GRID2IP: variants seen among roughly 807,000 people sequenced by gnomAD.
GRID2IP encodes the protein Grid2 interacting protein.
A neutral mutation model predicts 114.3 loss-of-function variants in GRID2IP; 78 were observed. The ratio of observed to expected loss-of-function variants is 0.68; its 90% CI spans 0.57 to 0.82. GRID2IP has a LOEUF of 0.82. Among genes scored for constraint, GRID2IP ranks in the 40% least tolerant of loss-of-function variants. The pLI is 0.00. For missense variants in GRID2IP, 1,727 were observed against 1,678.5 expected, an observed-to-expected ratio of 1.03 and a Z score of -0.51; for synonymous variants, 809 against 724.0, an observed-to-expected ratio of 1.12 and a Z score of -1.89.
intron 1 of GRID2IP, among the ~76,000 whole-genome samples, chr7:6,549,667 C>G (rs1300453512): frequency 6.6e-6 from 1 of 152,138 alleles, no homozygotes; most frequent in Non-Finnish European, 1.5e-5. Context: ...GTCACTCAGG[C>G]TGCAGTGCAG....
intron 15 of GRID2IP, 92 bp downstream of exon 15, chr7:6,504,701 C>T (rs1261651182): frequency 2.0e-6 from 2 of 1,000,666 alleles, no homozygotes; most frequent in African/African-American, 3.3e-5. Context: ...TCCCCACCGC[C>T]TAATCTCTGT....
Position 6,509,298 on chromosome 7 carries a change from G to T in GRID2IP, c.1787C>A (p.Ser596Tyr). Residue 596 changes from serine (S) to tyrosine (Y), a missense_variant, in exon 12 of 22, where the codon TCC (serine) becomes TAC (tyrosine). Physicochemically the swap from Ser to Tyr is moderately radical, Grantham distance 144. Transcript: ENST00000457091. This position sits in a 1 kb window ranked among gnomAD's most constrained non-coding sequence, Gnocchi z 4.9. Reference protein sequence around the residue: ...PAVTTGPRTLSGVSWPSERLL... With the variant: ...PAVTTGPRTLYGVSWPSERLL... Reference sequence around the variant, plus strand: ...TCGCTCGCTGGGCCATGAGACGCCGGACAGGGTCCTGGGCCCTGGAGGAGG... The same window carrying T: ...TCGCTCGCTGGGCCATGAGACGCCGTACAGGGTCCTGGGCCCTGGAGGAGG... 1 of 1,521,430 alleles carries T rather than the reference G, an allele frequency of 6.6e-7. No homozygotes were observed. 94.2% of individuals were successfully genotyped at this position (1,521,430 alleles called of 1,614,324 possible).
chr7:6,520,734 G>C lies in GRID2IP; in HGVS notation c.1112C>G (p.Pro371Arg), dbSNP rs1212468341. 5.8e-6 allele frequency: 9 copies of C among 1,551,516 alleles called. No individual in the cohort carries two copies. The South Asian group carries it at 1.1e-4, about 18-fold the overall frequency. ...SDSDSLDSPN[P>R]SSALTSLQWV... is the part of the protein sequence containing the mutation. ...CTGCAGGGAGGTGAGCGCCGACGACGGGTTGGGTGAGTCCAGAGAATCGGA... is the reference window on the plus strand; with the variant it reads ...CTGCAGGGAGGTGAGCGCCGACGACCGGTTGGGTGAGTCCAGAGAATCGGA... The change falls in exon 7 of 22, where the codon CCG becomes CGG. Residue 371 changes from proline (P) to arginine (R), a missense_variant. Transcript: ENST00000457091. The surrounding 1 kb of genome is among the most constrained non-coding windows in gnomAD (Gnocchi z 4.6).
In GRID2IP at chr7:6,525,560, G is replaced by A. The variant is rs1025105966; in HGVS notation, c.919+664C>T. ...GGAGGCTCAGCTACACTTGAGCCTCGGAGATGGAGGTTGCAATGAGCCAAG... is the reference window on the plus strand; with the variant it reads ...GGAGGCTCAGCTACACTTGAGCCTCAGAGATGGAGGTTGCAATGAGCCAAG... On this transcript the variant is annotated intron_variant, in intron 4 of 21. Transcript: ENST00000457091. Among the ~76,000 whole-genome samples the A allele has an allele frequency of 8.5e-5, 13 of 152,206 alleles. 1 individual carries two copies. The East Asian group carries it at 1.4e-3, about 16-fold the overall frequency.
chr7:6,531,234 G>A (rs1779617551), intron 2 of GRID2IP: 1 of 428,976 alleles, frequency 2.3e-6, no homozygotes. Flanking sequence ...GAGCCGTCCC[G>A]GCCCGCAGCC....
In GRID2IP at chr7:6,502,687, G is replaced by C. The variant is rs751671999; in HGVS notation, c.3150+99C>G. 7.0e-6 allele frequency: 5 copies of C among 712,392 alleles called. No individual in the cohort carries two copies. In the Admixed American group the frequency reaches 1.2e-4, roughly 17 times the overall value. 44.1% of individuals were successfully genotyped at this position (712,392 alleles called of 1,614,324 possible). On this transcript the variant is annotated intron_variant, in intron 18 of 21. Coordinates refer to ENST00000457091, the MANE Select transcript of GRID2IP (RefSeq NM_001145118.2). ...TAGGAGGAGAGCCCTCCTTGGTCAC[G>C]ATGTCCTCTTCTGCCCTCTGCCACA...
At chr7:6,543,192 C>T (rs543793652) in intron 1 of GRID2IP, among the ~76,000 whole-genome samples, 45 of 152,134 alleles carry the variant, frequency 3.0e-4, no homozygotes, top group African/African-American at 5.1e-4. Flanking sequence ...GTTAGGAGTT[C>T]GAGACCAGCC....
chr7:6,500,529 C>G (rs1050361426), intron 20 of GRID2IP, among the ~76,000 whole-genome samples: 1 of 152,190 alleles, frequency 6.6e-6, no homozygotes, highest in Non-Finnish European at 1.5e-5. Flanking sequence ...CTTGCCCAAG[C>G]TGTAGAGTTT....
chr7:6,511,546 T>C (rs1383259044), intron 8 of GRID2IP, among the ~76,000 whole-genome samples: 1 of 151,912 alleles, frequency 6.6e-6, no homozygotes, highest in Non-Finnish European at 1.5e-5. Context: ...CTAATTTTTG[T>C]ATTTTTAGTA....
intron 1 of GRID2IP, among the ~76,000 whole-genome samples, chr7:6,547,198 G>A (rs1779900593): frequency 6.6e-6 from 1 of 152,166 alleles, no homozygotes; most frequent in Non-Finnish European, 1.5e-5. Flanking sequence ...TGACCCCCTA[G>A]AGGACTCTGT....
rs1177876342 is a variant in GRID2IP, at chr7:6,508,238, A to T, written c.2291T>A (p.Phe764Tyr). The T allele has an allele frequency of 6.9e-7, 1 of 1,444,708 alleles. No individual in the cohort carries two copies. The highest frequency in any genetic ancestry group is 9.2e-7 in the Non-Finnish European group (1 of 1,088,722). 89.5% of individuals were successfully genotyped at this position (1,444,708 alleles called of 1,614,324 possible). A position where few individuals can be genotyped will look rare whatever the true frequency, so the allele number is the denominator to read the frequency against. ...LSPPPPPPLPFHDAKPSSRSS... is the reference protein window; with the variant it reads ...LSPPPPPPLPYHDAKPSSRSS... ...GCGGGAGCTGGGCTTAGCGTCATGG[A>T]AAGGCAGGGGTGGCGGTGGTGGGGG... The change falls in exon 13 of 22, where the codon TTC (phenylalanine) becomes TAC (tyrosine). Residue 764 changes from phenylalanine to tyrosine, a missense_variant. Coordinates refer to ENST00000457091, the MANE Select transcript of GRID2IP (RefSeq NM_001145118.2). This position sits in a 1 kb window ranked among gnomAD's most constrained non-coding sequence, Gnocchi z 5.6.
Position 6,536,700 on chromosome 7 carries a change from TGTCA to T in GRID2IP, c.584+3014_584+3017del. The T allele has an allele frequency of 1.5e-6, 1 of 668,918 alleles. No homozygotes were observed. The highest frequency in any genetic ancestry group is 2.8e-6 in the Non-Finnish European group (1 of 363,464). 41.4% of individuals were successfully genotyped at this position (668,918 alleles called of 1,614,324 possible). A position where few individuals can be genotyped will look rare whatever the true frequency, so the allele number is the denominator to read the frequency against. On this transcript the variant is annotated intron_variant, in intron 2 of 21. Coordinates refer to ENST00000457091, the MANE Select transcript of GRID2IP (RefSeq NM_001145118.2). This position sits in a 1 kb window ranked among gnomAD's most constrained non-coding sequence, Gnocchi z 5.3. Reference sequence around the variant, plus strand: ...GGGAGGGGCGGGACGGGGGGCTGCCTGTCAATCAGCTCCCCAGGAAGCGCTCAGA... The same window carrying T: ...GGGAGGGGCGGGACGGGGGGCTGCCTATCAGCTCCCCAGGAAGCGCTCAGA...
At position 6,520,807 on chromosome 7, in the gene GRID2IP, C is replaced by A; in HGVS notation, c.1085-46G>T. On this transcript the variant is annotated intron_variant, in intron 6 of 21. Transcript: ENST00000457091. The surrounding 1 kb of genome is among the most constrained non-coding windows in gnomAD (Gnocchi z 4.6). ...AGAGGCATGAGTGACTCAGAGTCCCCAGGCCAGGTGTAGTCTCCCTGGCTT... is the reference window on the plus strand; with the variant it reads ...AGAGGCATGAGTGACTCAGAGTCCCAAGGCCAGGTGTAGTCTCCCTGGCTT... The A allele has an allele frequency of 6.6e-7, 1 of 1,517,530 alleles. No individual in the cohort carries two copies. Among genetic ancestry groups the A allele is most frequent in the Non-Finnish European group, 8.9e-7 (1 of 1,122,962 alleles). 94.0% of individuals were successfully genotyped at this position (1,517,530 alleles called of 1,614,324 possible).
Position 6,536,712 on chromosome 7 carries a change from C to T in GRID2IP, c.584+3006G>A. The T allele has an allele frequency of 1.5e-6, 1 of 683,356 alleles. No individual in the cohort carries two copies. Among genetic ancestry groups the T allele is most frequent in the Non-Finnish European group, 2.7e-6 (1 of 372,566 alleles). The allele number at this position is 683,356 out of a possible 1,614,324, so 42.3% of individuals were successfully genotyped here. ...ACGGGGGGCTGCCTGTCAATCAGCT[C>T]CCCAGGAAGCGCTCAGAGCCAGCGC... On this transcript the variant is annotated intron_variant, in intron 2 of 21. Coordinates refer to ENST00000457091, the MANE Select transcript of GRID2IP (RefSeq NM_001145118.2). This position sits in a 1 kb window ranked among gnomAD's most constrained non-coding sequence, Gnocchi z 5.3.
intron 1 of GRID2IP, among the ~76,000 whole-genome samples, chr7:6,544,794 A>G (rs1415094414): frequency 6.6e-6 from 1 of 152,084 alleles, no homozygotes; most frequent in South Asian, 2.1e-4. Context: ...CTAAAAAATG[A>G]AAGACAGCCG....
rs1779970491 is a variant in GRID2IP at position 6,551,111 on chromosome 7, C to T, written c.326G>A (p.Arg109His). Reference sequence around the variant, plus strand: ...CAGCTCACGGCCCAGAGCTAGGCCGCGGCCGCACCGCGGGGCCCGCAAGAC... The same window carrying T: ...CAGCTCACGGCCCAGAGCTAGGCCGTGGCCGCACCGCGGGGCCCGCAAGAC... Reference protein sequence around the residue: ...TTVLRAPRCGRGLALGRELLR... With the variant: ...TTVLRAPRCGHGLALGRELLR... The change falls in exon 1 of 22, where the codon CGC becomes CAC. Residue 109 changes from arginine to histidine, a missense_variant. Physicochemically the swap from Arg to His is conservative, Grantham distance 29. Coordinates refer to ENST00000457091, the MANE Select transcript of GRID2IP (RefSeq NM_001145118.2). 1 of 1,297,822 alleles carries T rather than the reference C, an allele frequency of 7.7e-7. No homozygotes were observed. Among genetic ancestry groups the T allele is most frequent in the South Asian group, 2.3e-5 (1 of 43,320 alleles). 80.4% of individuals were successfully genotyped at this position (1,297,822 alleles called of 1,614,324 possible). A position where few individuals can be genotyped will look rare whatever the true frequency, so the allele number is the denominator to read the frequency against.
intron 14 of GRID2IP, among the ~76,000 whole-genome samples, chr7:6,505,357 CT>C (rs11352946): frequency 0.33 from 39,755 of 119,404 alleles, 6,453 homozygotes; most frequent in Middle Eastern, 0.5. Flanking sequence ...TAAATGCCAG[CT>C]TTTTTTTTTT....
chr7:6,545,531 G>A (rs186279842), intron 1 of GRID2IP, among the ~76,000 whole-genome samples: 85 of 152,268 alleles, frequency 5.6e-4, no homozygotes, highest in African/African-American at 1.9e-3. Context: ...CCGCTTTCTA[G>A]ATGATTCCAA....
At position 6,529,961 on chromosome 7, in the gene GRID2IP, C is replaced by CTCT. The variant is rs755576759; in HGVS notation, c.585-3193_585-3192insAGA. On this transcript the variant is annotated intron_variant, in intron 2 of 21. Coordinates refer to ENST00000457091, the MANE Select transcript of GRID2IP (RefSeq NM_001145118.2). ...CAGCTTTCTCTCTCTCTCTCTCTCTCTTTTTTTTTTTTTTTAAGACAAAGT... is the reference window on the plus strand; with the variant it reads ...CAGCTTTCTCTCTCTCTCTCTCTCTCTCTTTTTTTTTTTTTTTTAAGACAAAGT... Among the ~76,000 whole-genome samples the CTCT allele has an allele frequency of 2.3e-3, 260 of 111,774 alleles. 3 individuals carry two copies. Among genetic ancestry groups the CTCT allele is most frequent in the Admixed American group, 0.014 (150 of 10,816 alleles). The allele number at this position is 111,774 out of a possible 152,430, so 73.3% of individuals were successfully genotyped here. A position where few individuals can be genotyped will look rare whatever the true frequency, so the allele number is the denominator to read the frequency against.
Sources: gnomAD v4.1 joint callset for allele counts (sites outside exome capture counted in the v4.1 genomes callset) on GRCh38, gnomAD v4.1.1 for gene constraint, Gnocchi (gnomAD v3.1) non-coding constraint, MANE v1.5 for transcripts, NCBI Gene and HGNC (gene_info 2026-07-23, HGNC 2026-07-21) for gene names.